Variants in MACROD2 observed in about 807,000 individuals in gnomAD.
MACROD2 encodes the protein ADP-ribose glycohydrolase MACROD2.
Under a neutral mutation model 70.4 loss-of-function variants are expected in MACROD2, and 36 were observed. The ratio of observed to expected loss-of-function variants is 0.51; its 90% confidence interval spans 0.39 to 0.68. The LOEUF (loss-of-function observed/expected upper bound fraction) is 0.68. MACROD2 is among the 30% of genes least tolerant of loss of function. The pLI is 0.00. For missense variants in MACROD2, 496 were observed against 538.4 expected (o/e 0.92, Z 0.78); for synonymous variants, 172 against 178.8 (o/e 0.96, Z 0.30).
intron 15 of MACROD2, among the ~76,000 whole-genome samples, chr20:15,997,378 C>G (rs1056842024): frequency 9.2e-5 from 14 of 151,978 alleles, no homozygotes; most frequent in African/African-American, 3.4e-4. Flanking sequence ...TCAATTTTCC[C>G]ATCAATATTT....
chr20:14,002,067 T>A (rs899286867), intron 1 of MACROD2, among the ~76,000 whole-genome samples: 4 of 152,078 alleles, frequency 2.6e-5, no homozygotes, highest in African/African-American at 9.7e-5. Context: ...TCTTGGACTA[T>A]CATAAGAGAG....
At chr20:15,651,725 G>A (rs961469586) in intron 8 of MACROD2, among the ~76,000 whole-genome samples, 18 of 152,104 alleles carry the variant, frequency 1.2e-4, no homozygotes, top group African/African-American at 3.9e-4. Flanking sequence ...ACCTCCACTC[G>A]AGATTATTCC....
At chr20:14,643,454 T>C (rs1179750197) in intron 4 of MACROD2, among the ~76,000 whole-genome samples, 1 of 152,184 alleles carries the variant, frequency 6.6e-6, no homozygotes, top group African/African-American at 2.4e-5. Context: ...CTAGTGCAAA[T>C]GGCACTGACA....
intron 3 of MACROD2, among the ~76,000 whole-genome samples, chr20:14,391,004 G>A (rs34896694): frequency 0.16 from 24,503 of 152,070 alleles, 2,622 homozygotes; most frequent in Non-Finnish European, 0.23. Context: ...GAGGAAAAGG[G>A]GCACTTACAT....
chr20:14,598,389 C>T (rs1250635322), intron 4 of MACROD2, among the ~76,000 whole-genome samples: 1 of 151,936 alleles, frequency 6.6e-6, no homozygotes, highest in East Asian at 1.9e-4. Flanking sequence ...TATGAACATT[C>T]TAATATTTCT....
At chr20:14,396,270 C>T (rs566744862) in intron 3 of MACROD2, among the ~76,000 whole-genome samples, 1 of 152,266 alleles carries the variant, frequency 6.6e-6, no homozygotes, top group East Asian at 1.9e-4. Flanking sequence ...TATATCCTTA[C>T]TGGTTTTTCT....
intron 10 of MACROD2, among the ~76,000 whole-genome samples, chr20:15,916,233 T>G (rs965040447): frequency 5.3e-5 from 8 of 152,116 alleles, no homozygotes; most frequent in African/African-American, 1.4e-4. Flanking sequence ...TCTCACTGAT[T>G]CTTGGCCAGA....
chr20:14,222,306 T>TA (rs200632503), intron 3 of MACROD2, among the ~76,000 whole-genome samples: 3,301 of 152,262 alleles, frequency 0.022, 133 homozygotes, highest in African/African-American at 0.075. Context: ...TATTCAGCTA[T>TA]AAAAAAGAAT....
intron 3 of MACROD2, among the ~76,000 whole-genome samples, chr20:14,241,126 A>AG (rs1476218854): frequency 1.3e-5 from 2 of 152,216 alleles, no homozygotes; most frequent in African/African-American, 4.8e-5. Context: ...AAAAAAAAAA[A>AG]GTTTTTAAGA....
intron 3 of MACROD2, among the ~76,000 whole-genome samples, chr20:14,461,656 C>A (rs577483363): frequency 6.6e-6 from 1 of 151,712 alleles, no homozygotes; most frequent in African/African-American, 2.4e-5. Context: ...TCCTTTCCCC[C>A]ACCCCCACCC....
At chr20:15,374,915 A>C (rs749233533) in intron 6 of MACROD2, among the ~76,000 whole-genome samples, 1 of 152,214 alleles carries the variant, frequency 6.6e-6, no homozygotes, top group African/African-American at 2.4e-5. Context: ...ACTAGTGCGC[A>C]GTAAAGACCA....
At chr20:15,251,611 T>G (rs1166436562) in intron 6 of MACROD2, among the ~76,000 whole-genome samples, 1 of 152,226 alleles carries the variant, frequency 6.6e-6, no homozygotes, top group Admixed American at 6.5e-5. Context: ...AATCTCCTTG[T>G]TCTCAATGAT....
At chr20:14,100,718 AT>A (rs2054288982) in intron 3 of MACROD2, among the ~76,000 whole-genome samples, 1 of 7,470 alleles carries the variant, frequency 1.3e-4, no homozygotes, top group East Asian at 2.5e-3. Context: ...GTATATATAC[AT>A]TTATATATAA....
chr20:15,571,911 C>T (rs979026145), intron 8 of MACROD2, among the ~76,000 whole-genome samples: 3 of 152,218 alleles, frequency 2.0e-5, no homozygotes, highest in African/African-American at 7.2e-5. Flanking sequence ...TTAACACTAA[C>T]ATCACATTTA....
chr20:15,131,991 T>C (rs1036754866), intron 5 of MACROD2, among the ~76,000 whole-genome samples: 7 of 151,852 alleles, frequency 4.6e-5, no homozygotes, highest in African/African-American at 1.7e-4. Flanking sequence ...AAGAAATAAT[T>C]CTAAAGATGT....
intron 8 of MACROD2, among the ~76,000 whole-genome samples, chr20:15,644,083 A>G (rs6034242): frequency 3.9e-5 from 6 of 152,142 alleles, no homozygotes; most frequent in Admixed American, 3.9e-4. Context: ...AACTCAGGGC[A>G]GGAATGTGCT....
At chr20:14,041,615 G>C (rs2053391581) in intron 2 of MACROD2, among the ~76,000 whole-genome samples, 1 of 152,188 alleles carries the variant, frequency 6.6e-6, no homozygotes, top group Admixed American at 6.5e-5. Context: ...AGGCTGACAA[G>C]ATTAGATTCC....
intron 8 of MACROD2, among the ~76,000 whole-genome samples, chr20:15,544,627 C>CTAGG (rs1226708412): frequency 1.3e-5 from 2 of 152,220 alleles, no homozygotes; most frequent in Non-Finnish European, 2.9e-5. Flanking sequence ...TTGATAAGCT[C>CTAGG]TAGGTGTCCA....
At chr20:15,837,129 A>G (rs1450685449) in intron 8 of MACROD2, among the ~76,000 whole-genome samples, 2 of 152,218 alleles carry the variant, frequency 1.3e-5, no homozygotes, top group African/African-American at 4.8e-5. Context: ...GGGCTGTACC[A>G]TGAAGGATAG....
Sources: gnomAD v4.1 joint callset for allele counts (sites outside exome capture counted in the v4.1 genomes callset) on GRCh38, gnomAD v4.1.1 for gene constraint, MANE v1.5 for transcripts, NCBI Gene and HGNC (gene_info 2026-07-23, HGNC 2026-07-21) for gene names.